TCF7L1: variants seen among roughly 807,000 people sequenced by gnomAD.
TCF7L1 encodes the protein transcription factor 7 like 1, also known as transcription factor 7-like 1.
In TCF7L1, 18 loss-of-function variants were observed where a neutral mutation model predicts 63.7. The ratio of observed to expected loss-of-function variants is 0.28; its 90% CI spans 0.20 to 0.42. The LOEUF (loss-of-function observed/expected upper bound fraction) is 0.42, where lower values mean the gene tolerates loss of function less well. Among genes scored for constraint, TCF7L1 ranks in the 10% least tolerant of loss-of-function variants. TCF7L1 has a pLI of 1.00. For synonymous variants in TCF7L1, 355 were observed against 340.9 expected, an observed-to-expected ratio of 1.04 and a Z score of -0.46; for missense variants, 654 against 779.3, an observed-to-expected ratio of 0.84 and a Z score of 1.91.
In TCF7L1 at chr2:85,309,141, C is replaced by T; in HGVS notation, c.1446C>T (p.Pro482=). The T allele has an allele frequency of 6.2e-7, 1 of 1,614,056 alleles. No homozygotes were observed. Among genetic ancestry groups the T allele is most frequent in the Non-Finnish European group, 8.5e-7 (1 of 1,180,008 alleles). Residue 482 remains proline, a synonymous_variant, in exon 12 of 12, where the codon CCC becomes CCT. Coordinates refer to ENST00000282111, the MANE Select transcript of TCF7L1 (RefSeq NM_031283.3). The part of the protein sequence containing the change: ...HGSMLDSPAT[P]SAALASPAAP... ...GCATGCTGGACTCCCCGGCCACTCCCTCTGCAGCTTTGGCCTCACCAGCTG... is the reference window on the plus strand; with the variant it reads ...GCATGCTGGACTCCCCGGCCACTCCTTCTGCAGCTTTGGCCTCACCAGCTG...
At chr2:85,181,505 G>C (rs767333090) in intron 3 of TCF7L1, among the ~76,000 whole-genome samples, 3 of 152,182 alleles carry the variant, frequency 2.0e-5, no homozygotes, top group Non-Finnish European at 4.4e-5. Context: ...GTGTGACTGT[G>C]TGGTGGCCAG....
intron 3 of TCF7L1, among the ~76,000 whole-genome samples, chr2:85,209,316 A>G (rs1679490368): frequency 1.3e-5 from 2 of 152,230 alleles, no homozygotes. Context: ...ACACAGTTAT[A>G]TGTGAGGTGG....
intron 3 of TCF7L1, among the ~76,000 whole-genome samples, chr2:85,267,773 G>A (rs2104352741): frequency 6.6e-6 from 1 of 152,122 alleles, no homozygotes; most frequent in African/African-American, 2.4e-5. Context: ...CAACTTATAA[G>A]GCTGTGGGGG....
chr2:85,285,506 G>A (rs1681524935), intron 4 of TCF7L1, among the ~76,000 whole-genome samples: 1 of 152,302 alleles, frequency 6.6e-6, no homozygotes, highest in Admixed American at 6.5e-5. Context: ...CCAGCCATCC[G>A]GGAAAGGCAG....
chr2:85,201,237 A>G (rs1278830262), intron 3 of TCF7L1, among the ~76,000 whole-genome samples: 2 of 152,180 alleles, frequency 1.3e-5, no homozygotes, highest in Non-Finnish European at 2.9e-5. Flanking sequence ...AAATTATTAC[A>G]GTCATACAGT....
At chr2:85,227,587 T>G (rs1271833870) in intron 3 of TCF7L1, among the ~76,000 whole-genome samples, 2 of 152,178 alleles carry the variant, frequency 1.3e-5, no homozygotes. Flanking sequence ...TTATATAAGC[T>G]TAGCTTTAGT....
intron 3 of TCF7L1, among the ~76,000 whole-genome samples, chr2:85,215,916 C>T (rs541702833): frequency 3.4e-4 from 51 of 152,176 alleles, no homozygotes; most frequent in African/African-American, 1.0e-3. Flanking sequence ...CAAGTTCAGC[C>T]GAAGGAATCC....
intron 3 of TCF7L1, among the ~76,000 whole-genome samples, chr2:85,173,036 A>T (rs1184849375): frequency 6.6e-6 from 1 of 152,260 alleles, no homozygotes; most frequent in Non-Finnish European, 1.5e-5. Context: ...TTTCTAAAAG[A>T]ACGAATAAAT....
chr2:85,222,669 CAAAAAAA>C (rs60020804), intron 3 of TCF7L1, among the ~76,000 whole-genome samples: 1 of 58,226 alleles, frequency 1.7e-5, no homozygotes, highest in Non-Finnish European at 3.6e-5. Flanking sequence ...GACCCCATCT[CAAAAAAA>C]AAAAAAAAAA....
intron 3 of TCF7L1, among the ~76,000 whole-genome samples, chr2:85,159,088 G>A (rs1678221299): frequency 6.6e-6 from 1 of 152,174 alleles, no homozygotes; most frequent in South Asian, 2.1e-4. Context: ...TGGACAGTGC[G>A]GTTCAGCCTT....
At chr2:85,260,859 C>T (rs1027889399) in intron 3 of TCF7L1, among the ~76,000 whole-genome samples, 2 of 152,182 alleles carry the variant, frequency 1.3e-5, no homozygotes, top group Non-Finnish European at 2.9e-5. Context: ...GTCCAAGCAG[C>T]AACATCCTAA....
rs557041092 is a variant in TCF7L1, at chr2:85,272,052, C to T, written c.442-11443C>T. Among the ~76,000 whole-genome samples the T allele has an allele frequency of 1.8e-4, 27 of 152,292 alleles. No individual in the cohort carries two copies. The South Asian group carries it at 5.2e-3, about 29-fold the overall frequency. ...CAGCCCACTACCACCCCTTTCAAAC[C>T]GGGTTGCCCCCCACCCCCGCTGCCT... On this transcript the variant is annotated intron_variant, in intron 3 of 11. Coordinates refer to ENST00000282111, the MANE Select transcript of TCF7L1 (RefSeq NM_031283.3).
chr2:85,147,357 C>T (rs2248075), intron 3 of TCF7L1, among the ~76,000 whole-genome samples: 101,231 of 151,606 alleles, frequency 0.67, 34,000 homozygotes, highest in East Asian at 0.91. Context: ...ACAACCCGAA[C>T]TAGGGATTGC....
chr2:85,307,767 C>G lies in TCF7L1; in HGVS notation c.1333+50C>G, dbSNP rs1051790518. On this transcript the variant is annotated intron_variant, in intron 11 of 11. Coordinates refer to ENST00000282111, the MANE Select transcript of TCF7L1 (RefSeq NM_031283.3). ...TCTCCTGCTTTTCCTTTTGTCACAG[C>G]CACACCTGCCCATGCTGTCTCTAGC... The G allele has an allele frequency of 9.9e-6, 15 of 1,511,008 alleles. No individual in the cohort carries two copies. In the Admixed American group the frequency reaches 1.5e-4, roughly 15 times the overall value. The allele number at this position is 1,511,008 out of a possible 1,614,324, so 93.6% of individuals were successfully genotyped here.
At chr2:85,154,775 G>T (rs1012027937) in intron 3 of TCF7L1, among the ~76,000 whole-genome samples, 6 of 152,112 alleles carry the variant, frequency 3.9e-5, no homozygotes, top group African/African-American at 1.4e-4. Context: ...TATAAGGAAG[G>T]CCGTCAAACA....
intron 3 of TCF7L1, among the ~76,000 whole-genome samples, chr2:85,268,187 C>T (rs1241326430): frequency 2.6e-5 from 4 of 152,206 alleles, no homozygotes; most frequent in Non-Finnish European, 5.9e-5. Flanking sequence ...CTTTCCCATT[C>T]CCTCTATCCA....
chr2:85,234,532 T>C (rs1405475640), intron 3 of TCF7L1, among the ~76,000 whole-genome samples: 1 of 152,204 alleles, frequency 6.6e-6, no homozygotes, highest in Non-Finnish European at 1.5e-5. Context: ...CCCCCATTCT[T>C]TCAAAAGATT....
At chr2:85,224,599 T>C (rs1379300205) in intron 3 of TCF7L1, among the ~76,000 whole-genome samples, 4 of 152,242 alleles carry the variant, frequency 2.6e-5, no homozygotes, top group African/African-American at 4.8e-5. Context: ...GAAGTATCTG[T>C]TCATATCCTT....
intron 4 of TCF7L1, among the ~76,000 whole-genome samples, chr2:85,294,270 T>G (rs1327202043): frequency 6.6e-6 from 1 of 151,948 alleles, no homozygotes; most frequent in Non-Finnish European, 1.5e-5. Flanking sequence ...TCTCCTGACC[T>G]TGTGACGTGC....
Sources: allele counts gnomAD v4.1 joint callset (sites outside exome capture counted in the v4.1 genomes callset), GRCh38; gene constraint gnomAD v4.1.1; transcripts MANE v1.5; gene names NCBI Gene and HGNC (gene_info 2026-07-23, HGNC 2026-07-21).